The following MSR1 variants were observed in gnomAD, a reference collection of about 807,000 sequenced individuals.
The protein encoded by MSR1 is macrophage scavenger receptor types I and II.
A neutral mutation model predicts 47.2 loss-of-function variants in MSR1; 53 were observed. The ratio of observed to expected loss-of-function variants is 1.12; its 90% CI spans 0.90 to 1.41. The LOEUF (loss-of-function observed/expected upper bound fraction) is 1.41. Ranked by LOEUF, MSR1 falls within the 40% of genes most tolerant of loss-of-function variation. MSR1 has a pLI of 0.00. For synonymous variants in MSR1, 239 were observed against 185.6 expected (o/e 1.29, Z -2.34); for missense variants, 786 against 546.9 (o/e 1.44, Z -4.36).
intron 1 of MSR1, among the ~76,000 whole-genome samples, chr8:16,179,398 C>A (rs569945132): frequency 6.6e-6 from 1 of 152,224 alleles, no homozygotes; most frequent in Admixed American, 6.5e-5. Context: ...TTGTCCATAT[C>A]AACATAGGAT....
intron 4 of MSR1, among the ~76,000 whole-genome samples, chr8:16,167,820 G>C (rs1353259521): frequency 6.6e-6 from 1 of 151,858 alleles, no homozygotes; most frequent in Non-Finnish European, 1.5e-5. Context: ...TTTCTTCTTT[G>C]TACACTTTCT....
intron 1 of MSR1, among the ~76,000 whole-genome samples, chr8:16,183,790 TATATA>T (rs943940885): frequency 3.5e-5 from 5 of 143,614 alleles, no homozygotes; most frequent in Non-Finnish European, 6.0e-5. Flanking sequence ...GTTAATATAT[TATATA>T]TTATATTAGT....
chr8:16,146,456 T>C (rs1295080862), intron 7 of MSR1, among the ~76,000 whole-genome samples: 2 of 151,900 alleles, frequency 1.3e-5, no homozygotes, highest in Admixed American at 6.6e-5. Flanking sequence ...AGCTTGAGAG[T>C]TGAGTCTACC....
In MSR1 at chr8:16,178,093, T is replaced by C. The variant is rs75748121; in HGVS notation, c.-4-101A>G. On this transcript the variant is annotated intron_variant, in intron 1 of 9. Coordinates refer to ENST00000262101, the MANE Select transcript of MSR1 (RefSeq NM_138715.3). ...AAATTTCAGTTTGAAATGGAATCTA[T>C]TCAGTTTTTCTTTTTTTTTTTTAAT... 2,459 of 904,650 alleles carry C rather than the reference T, an allele frequency of 2.7e-3. 47 individuals carry two copies. In the African/African-American group the frequency reaches 0.037, roughly 14 times the overall value. The allele number at this position is 904,650 out of a possible 1,614,324, so 56.0% of individuals were successfully genotyped here.
rs1049973572 is a variant in MSR1 at position 16,168,994 on chromosome 8, C to T, written c.218-124G>A. On this transcript the variant is annotated intron_variant, in intron 3 of 9. Transcript: ENST00000262101. ...CCATTCCAACATTTTGAATGCTAGG[C>T]TAAATCGAGTATTTTTTTTTAATCT... 6 of 961,838 alleles carry T rather than the reference C, an allele frequency of 6.2e-6. No individual in the cohort carries two copies. In the African/African-American group the frequency reaches 8.2e-5, roughly 13 times the overall value. The allele number at this position is 961,838 out of a possible 1,614,324, so 59.6% of individuals were successfully genotyped here.
chr8:16,177,074 G>A (rs554095919), intron 2 of MSR1, among the ~76,000 whole-genome samples: 13 of 152,142 alleles, frequency 8.5e-5, no homozygotes, highest in Admixed American at 2.0e-4. Flanking sequence ...TGATCCTGTT[G>A]AGATACAGCT....
chr8:16,111,073 T>C (rs561511764), intron 9 of MSR1, among the ~76,000 whole-genome samples: 2 of 152,180 alleles, frequency 1.3e-5, no homozygotes, highest in African/African-American at 4.8e-5. Context: ...AGGCATGGCA[T>C]GTTTCCTATT....
intron 1 of MSR1, among the ~76,000 whole-genome samples, chr8:16,181,733 G>A (rs575569731): frequency 1.3e-5 from 2 of 151,988 alleles, no homozygotes; most frequent in African/African-American, 2.4e-5. Context: ...AACCACCATG[G>A]CATGTGTATA....
chr8:16,150,142 A>ATG, intron 7 of MSR1, 89 bp downstream of exon 7: 1 of 10,982 alleles, frequency 9.1e-5, no homozygotes, highest in Non-Finnish European at 2.4e-4. Flanking sequence ...GTGTGTGTGT[A>ATG]TATATATATA....
At position 16,120,543 on chromosome 8, in the gene MSR1, A is replaced by G; in HGVS notation, c.1097T>C (p.Leu366Pro). ...AATTGTACCCCACTGGCCGCTGTGGAGTATCTCCACCCTCCCCTCGTGAGG... is the reference window on the plus strand; with the variant it reads ...AATTGTACCCCACTGGCCGCTGTGGGGTATCTCCACCCTCCCCTCGTGAGG... Reference protein sequence around the residue: ...SGPHEGRVEILHSGQWGTICD... With the variant: ...SGPHEGRVEIPHSGQWGTICD... Residue 366 changes from leucine (L) to proline (P), a missense_variant, in exon 9 of 10, where the codon CTC (leucine) becomes CCC (proline). By Grantham distance (98) the Leu-to-Pro change is moderately conservative. Transcript: ENST00000262101. 3 of 1,580,930 alleles carry G rather than the reference A, an allele frequency of 1.9e-6. No homozygotes were observed. The highest frequency in any genetic ancestry group is 2.6e-6 in the Non-Finnish European group (3 of 1,162,926).
At chr8:16,188,963 C>CATATAT (rs199860327) in intron 1 of MSR1, among the ~76,000 whole-genome samples, 1 of 86,820 alleles carries the variant, frequency 1.2e-5, no homozygotes, top group African/African-American at 4.6e-5. Context: ...ATTCAACACA[C>CATATAT]ATACATATAT....
chr8:16,115,674 A>T (rs1799861526), intron 9 of MSR1, among the ~76,000 whole-genome samples: 2 of 152,100 alleles, frequency 1.3e-5, no homozygotes, highest in Admixed American at 1.3e-4. Context: ...CTACGCAGGG[A>T]GTGGAAACAA....
intron 1 of MSR1, among the ~76,000 whole-genome samples, chr8:16,184,050 A>T (rs2046408): frequency 0.36 from 53,863 of 150,864 alleles, 11,119 homozygotes; most frequent in South Asian, 0.47. Context: ...CCAGGATGGA[A>T]AATATCATGT....
intron 8 of MSR1, among the ~76,000 whole-genome samples, chr8:16,129,553 C>G (rs1800207527): frequency 6.6e-6 from 1 of 152,030 alleles, no homozygotes; most frequent in African/African-American, 2.4e-5. Context: ...AGAGACCAGC[C>G]TGGGCAAGAC....
At chr8:16,140,287 A>G (rs890742777) in intron 8 of MSR1, 2 of 984,906 alleles carry the variant, frequency 2.0e-6, no homozygotes, top group East Asian at 2.3e-4. Flanking sequence ...TAAAACAAGA[A>G]AAAGAAAAAA....
chr8:16,124,300 A>T (rs1461151235), intron 8 of MSR1, among the ~76,000 whole-genome samples: 1 of 152,180 alleles, frequency 6.6e-6, no homozygotes, highest in Non-Finnish European at 1.5e-5. Flanking sequence ...TATTTTAATA[A>T]TCTTGGTGCA....
At chr8:16,173,759 C>T (rs1340335194) in intron 3 of MSR1, among the ~76,000 whole-genome samples, 2 of 152,162 alleles carry the variant, frequency 1.3e-5, no homozygotes, top group African/African-American at 4.8e-5. Flanking sequence ...CGCCATTCTC[C>T]TGGCTCAGCC....
In MSR1 at chr8:16,120,367, A is replaced by T. The variant is rs745733597; in HGVS notation, c.1222+51T>A. On this transcript the variant is annotated intron_variant, in intron 9 of 9. Coordinates refer to ENST00000262101, the MANE Select transcript of MSR1 (RefSeq NM_138715.3). ...ACTCCAGTCTGGGCGACAGAATGAG[A>T]CTCTGTCTGAAACAACAACAACAAA... 6 of 1,593,700 alleles carry T rather than the reference A, an allele frequency of 3.8e-6. No homozygotes were observed. The East Asian group carries it at 8.9e-5, about 24-fold the overall frequency.
intron 8 of MSR1, among the ~76,000 whole-genome samples, chr8:16,127,701 A>G (rs1160642308): frequency 6.6e-6 from 1 of 152,212 alleles, no homozygotes; most frequent in Non-Finnish European, 1.5e-5. Flanking sequence ...AGAGAAAGAG[A>G]GAGCGAGACT....
Sources: gnomAD v4.1 joint callset for allele counts (sites outside exome capture counted in the v4.1 genomes callset) on GRCh38, gnomAD v4.1.1 for gene constraint, MANE v1.5 for transcripts, NCBI Gene and HGNC (gene_info 2026-07-23, HGNC 2026-07-21) for gene names.